The following CNTNAP4 variants were observed in gnomAD, a reference collection of about 807,000 sequenced individuals.
CNTNAP4 encodes contactin-associated protein-like 4.
In CNTNAP4, 98 loss-of-function variants were observed where a neutral mutation model predicts 148.4. The observed-to-expected ratio is 0.66, with a 90% CI of 0.56 to 0.78. The LOEUF is 0.78. Ranked by LOEUF, CNTNAP4 falls within the 30% of genes least tolerant of loss-of-function variation. CNTNAP4 has a pLI of 0.00. For missense variants in CNTNAP4, 1,935 were observed against 1,565.6 expected (o/e 1.24, Z -3.98); for synonymous variants, 730 against 565.1 (o/e 1.29, Z -4.14).
chr16:76,309,757 G>A (rs530393771), intron 1 of CNTNAP4: 1 of 675,010 alleles, frequency 1.5e-6, no homozygotes, highest in Non-Finnish European at 2.7e-6. Context: ...TTGGGCGGAG[G>A]GGGTGGTCCG....
At chr16:76,436,176 G>A (rs149848411) in intron 4 of CNTNAP4, among the ~76,000 whole-genome samples, 1,918 of 152,140 alleles carry the variant, frequency 0.013, 41 homozygotes, top group African/African-American at 0.044. Context: ...CTCAGGCAGC[G>A]CAGGGTTTAT....
intron 3 of CNTNAP4, among the ~76,000 whole-genome samples, chr16:76,399,187 T>C (rs2078316979): frequency 6.6e-6 from 1 of 152,180 alleles, no homozygotes; most frequent in Non-Finnish European, 1.5e-5. Flanking sequence ...ACCCATTCTC[T>C]AGTGTGGCTC....
At chr16:76,416,726 A>T (rs554050200) in intron 3 of CNTNAP4, among the ~76,000 whole-genome samples, 119 of 151,514 alleles carry the variant, frequency 7.9e-4, no homozygotes, top group African/African-American at 2.8e-3. Flanking sequence ...AAATGTTCTC[A>T]AAATGTTAAT....
In CNTNAP4 at chr16:76,535,588, G is replaced by A. The variant is rs771743066; in HGVS notation, c.2799G>A (p.Arg933=). 32 of 1,612,706 alleles carry A rather than the reference G, an allele frequency of 2.0e-5. No individual in the cohort carries two copies. Among genetic ancestry groups the A allele is most frequent in the South Asian group, 4.4e-5 (4 of 91,016 alleles). Residue 933 remains arginine, a synonymous_variant, in exon 18 of 24, where the codon CGG becomes CGA. Transcript: ENST00000611870. ...TRQRGFLGCI[R]SLQLNGMTLD... ...AGAGAGGCTTTCTGGGCTGCATTCG[G>A]TCTCTGCAGTTGAATGGGATGACCC...
In CNTNAP4 at chr16:76,553,499, C is replaced by G; in HGVS notation, c.3659C>G (p.Ala1220Gly). ...TCAAGGGAAAGGACACACTCGTTTG[C>G]AGGTGACTTAGAGTTCTTCCTCTAC... ...ATSRERTHSF[A>G]DHSGTIDDRE... The change falls in exon 22 of 24, where the codon GCA becomes GGA. Residue 1220 changes from alanine to glycine, a missense_variant and splice_region_variant. Physicochemically the swap from Ala to Gly is moderately conservative, Grantham distance 60 (BLOSUM62 0). Transcript: ENST00000611870. The G allele has an allele frequency of 1.2e-6, 2 of 1,605,066 alleles. No homozygotes were observed. Among genetic ancestry groups the G allele is most frequent in the Non-Finnish European group, 1.7e-6 (2 of 1,174,390 alleles).
intron 23 of CNTNAP4, chr16:76,558,203 A>C (rs918438579): frequency 3.8e-6 from 1 of 264,012 alleles, no homozygotes; most frequent in Non-Finnish European, 7.1e-6. Context: ...TCCTAGAGAC[A>C]TATAGTTAAT....
chr16:76,357,431 C>T lies in CNTNAP4; in HGVS notation c.390+1920C>T, dbSNP rs151290504. Reference sequence around the variant, plus strand: ...TTGCTTACTCTTATTAAAGTTGAGGCGCTCATGGTGAAATGGTGGCATGAA... The same window carrying T: ...TTGCTTACTCTTATTAAAGTTGAGGTGCTCATGGTGAAATGGTGGCATGAA... On this transcript the variant is annotated intron_variant, in intron 3 of 23. Coordinates refer to ENST00000611870, the MANE Select transcript of CNTNAP4 (RefSeq NM_033401.5). Among the ~76,000 whole-genome samples the T allele has an allele frequency of 1.9e-3, 295 of 152,292 alleles. 4 individuals are homozygous for T. The highest frequency in any genetic ancestry group is 8.7e-3 in the Admixed American group (133 of 15,298).
chr16:76,445,650 T>C (rs2080211314), intron 4 of CNTNAP4, among the ~76,000 whole-genome samples: 1 of 152,036 alleles, frequency 6.6e-6, no homozygotes, highest in Admixed American at 6.6e-5. Flanking sequence ...CCACAGAAGA[T>C]ACATATCATC....
chr16:76,412,605 A>G (rs547261274), intron 3 of CNTNAP4, among the ~76,000 whole-genome samples: 58 of 151,508 alleles, frequency 3.8e-4, no homozygotes, highest in Middle Eastern at 6.8e-3. Flanking sequence ...TTTGGTTCTA[A>G]TTGGCATTGT....
chr16:76,374,361 G>A (rs371695928), intron 3 of CNTNAP4, among the ~76,000 whole-genome samples: 12 of 152,256 alleles, frequency 7.9e-5, no homozygotes, highest in East Asian at 3.9e-4. Flanking sequence ...GAGCTACAAA[G>A]CGATTATGTT....
At chr16:76,545,027 G>C (rs1255951687) in intron 21 of CNTNAP4, among the ~76,000 whole-genome samples, 2 of 152,098 alleles carry the variant, frequency 1.3e-5, no homozygotes, top group African/African-American at 4.8e-5. Flanking sequence ...GGTAAATTAA[G>C]GGAACTGTGA....
chr16:76,428,289 T>G (rs2079483698), intron 4 of CNTNAP4, among the ~76,000 whole-genome samples: 1 of 152,108 alleles, frequency 6.6e-6, no homozygotes, highest in Non-Finnish European at 1.5e-5. Flanking sequence ...TATAGAACAG[T>G]GGGTTAGTTA....
chr16:76,381,414 A>G (rs1324461320), intron 3 of CNTNAP4, among the ~76,000 whole-genome samples: 2 of 152,168 alleles, frequency 1.3e-5, no homozygotes, highest in African/African-American at 2.4e-5. Flanking sequence ...AGTCACAATG[A>G]TAATTCTGAT....
intron 21 of CNTNAP4, among the ~76,000 whole-genome samples, chr16:76,552,854 C>G (rs967988925): frequency 3.9e-5 from 6 of 152,144 alleles, no homozygotes; most frequent in African/African-American, 1.4e-4. Flanking sequence ...AATTTTCTCT[C>G]TAGTTTCTGT....
chr16:76,361,236 C>G (rs746022186), intron 3 of CNTNAP4, among the ~76,000 whole-genome samples: 4 of 152,172 alleles, frequency 2.6e-5, no homozygotes, highest in African/African-American at 9.7e-5. Context: ...TAAGGCAGAT[C>G]TGCAGGACTC....
intron 9 of CNTNAP4, among the ~76,000 whole-genome samples, chr16:76,464,552 A>T (rs1484789248): frequency 6.6e-6 from 1 of 152,198 alleles, no homozygotes; most frequent in African/African-American, 2.4e-5. Context: ...ATAATTCTTC[A>T]GCCAGTTTAT....
chr16:76,439,444 T>C (rs1223000767), intron 4 of CNTNAP4, among the ~76,000 whole-genome samples: 1 of 152,168 alleles, frequency 6.6e-6, no homozygotes, highest in South Asian at 2.1e-4. Flanking sequence ...AATTTTTCAG[T>C]ACATAGCCAA....
rs534465978 is a variant in CNTNAP4, at chr16:76,459,194, G to A, written c.1334-2762G>A. On this transcript the variant is annotated intron_variant, in intron 8 of 23. Coordinates refer to ENST00000611870, the MANE Select transcript of CNTNAP4 (RefSeq NM_033401.5). Reference sequence around the variant, plus strand: ...AGAATATACACGTGACACAGAGAGTGTATAAGAAATTTCTCTCTAAATGAG... The same window carrying A: ...AGAATATACACGTGACACAGAGAGTATATAAGAAATTTCTCTCTAAATGAG... Among the ~76,000 whole-genome samples, 8 of 152,274 alleles carry A rather than the reference G, an allele frequency of 5.3e-5. No homozygotes were observed. In the South Asian group the frequency reaches 1.5e-3, roughly 28 times the overall value.
chr16:76,449,015 G>T, intron 6 of CNTNAP4, 64 bp downstream of exon 6: 1 of 1,430,638 alleles, frequency 7.0e-7, no homozygotes, highest in East Asian at 2.4e-5. Flanking sequence ...ATCTCCCAGA[G>T]GAAAATACAC....
Sources: gnomAD v4.1 joint callset for allele counts (sites outside exome capture counted in the v4.1 genomes callset) on GRCh38, gnomAD v4.1.1 for gene constraint, MANE v1.5 for transcripts, NCBI Gene and HGNC (gene_info 2026-07-23, HGNC 2026-07-21) for gene names.